The following P2RX3 variants were observed in gnomAD, a reference collection of about 807,000 sequenced individuals.
P2RX3 encodes P2X purinoceptor 3.
P2RX3 carries 41 observed loss-of-function variants against 51.5 expected under a neutral mutation model. The ratio of observed to expected loss-of-function variants is 0.80; its 90% CI spans 0.62 to 1.03. The LOEUF (loss-of-function observed/expected upper bound fraction) is 1.03. Among genes scored for constraint, P2RX3 ranks in the 50% least tolerant of loss-of-function variants. The probability of loss-of-function intolerance (pLI) is 0.00; values close to 1 mark genes in which losing one functional copy is unlikely to be tolerated. For synonymous variants in P2RX3, 185 were observed against 191.6 expected (o/e 0.97, Z 0.29); for missense variants, 459 against 522.1 (o/e 0.88, Z 1.18).
At position 57,350,612 on chromosome 11, in the gene P2RX3, G is replaced by A; in HGVS notation, c.706-150G>A. The A allele has an allele frequency of 5.7e-6, 6 of 1,057,882 alleles. No individual in the cohort carries two copies. In the South Asian group the frequency reaches 6.2e-5, roughly 11 times the overall value. The allele number at this position is 1,057,882 out of a possible 1,614,324, so 65.5% of individuals were successfully genotyped here. On this transcript the variant is annotated intron_variant, in intron 7 of 11. Transcript: ENST00000263314. ...AGCACTTCTTTACTGAGCAGTATAT[G>A]ACATGTCACTTTCCGTTCTCCCTGC... is the stretch of plus-strand genomic sequence containing the variant.
At chr11:57,356,364 C>T (rs1339145981) in intron 8 of P2RX3, among the ~76,000 whole-genome samples, 1 of 152,196 alleles carries the variant, frequency 6.6e-6, no homozygotes, top group Admixed American at 6.5e-5. Context: ...ATCGAAACTG[C>T]ATTTCAAAAT....
At chr11:57,348,830 C>T in intron 6 of P2RX3, 126 bp downstream of exon 6, 1 of 643,638 alleles carries the variant, frequency 1.6e-6, no homozygotes, top group Non-Finnish European at 2.7e-6. Context: ...GACCCATCTC[C>T]CTGGGCCTAC....
chr11:57,366,644 T>G (rs1471835966), intron 8 of P2RX3, among the ~76,000 whole-genome samples: 1 of 152,108 alleles, frequency 6.6e-6, no homozygotes, highest in Non-Finnish European at 1.5e-5. Flanking sequence ...TACCTGAATC[T>G]GGGTAATTGA....
rs748221834 is a variant in P2RX3, at chr11:57,369,932, C to G, written c.1129C>G (p.Pro377Ala). 7 of 1,613,932 alleles carry G rather than the reference C, an allele frequency of 4.3e-6. No individual in the cohort carries two copies. Among genetic ancestry groups the G allele is most frequent in the Non-Finnish European group, 5.9e-6 (7 of 1,180,006 alleles). Residue 377 changes from proline to alanine, a missense_variant, in exon 12 of 12, where the codon CCC becomes GCC. Transcript: ENST00000263314. The stretch of plus-strand genomic sequence containing the variant: ...CGCGGCTTTGACCAACCCAGTGTAC[C>G]CCAGCGACCAGACCACAGCGGAGAA... ...KIAALTNPVYPSDQTTAEKQS... is the reference protein window; with the variant it reads ...KIAALTNPVYASDQTTAEKQS...
upstream of P2RX3, among the ~76,000 whole-genome samples, chr11:57,336,372 T>C (rs138840041): frequency 7.2e-5 from 11 of 152,208 alleles, no homozygotes; most frequent in East Asian, 2.1e-3. Context: ...CCGAAAATTA[T>C]AGGTACCTCC....
intron 6 of P2RX3, among the ~76,000 whole-genome samples, chr11:57,349,163 C>T (rs1367796322): frequency 6.6e-6 from 1 of 152,090 alleles, no homozygotes; most frequent in African/African-American, 2.4e-5. Flanking sequence ...CAATGCCAGT[C>T]ACTACAGAAG....
chr11:57,347,000 G>A, intron 2 of P2RX3, 116 bp from the exon 3 acceptor site: 1 of 1,157,456 alleles, frequency 8.6e-7, no homozygotes, highest in Non-Finnish European at 1.3e-6. Flanking sequence ...CCTTGGCCAA[G>A]TCACTAGACA....
At position 57,338,377 on chromosome 11, in the gene P2RX3, G is replaced by T; in HGVS notation, c.-174G>T. 1 of 486,486 alleles carries T rather than the reference G, an allele frequency of 2.1e-6. No individual in the cohort carries two copies. The highest frequency in any genetic ancestry group is 3.8e-6 in the Non-Finnish European group (1 of 266,474). 30.1% of individuals were successfully genotyped at this position (486,486 alleles called of 1,614,324 possible). A position where few individuals can be genotyped will look rare whatever the true frequency, so the allele number is the denominator to read the frequency against. ...GGCCTCTTGGAAGCCAGAGTATCAAGAGCAGAGAATCTCACTAGGATTGCA... is the reference window on the plus strand; with the variant it reads ...GGCCTCTTGGAAGCCAGAGTATCAATAGCAGAGAATCTCACTAGGATTGCA... On this transcript the variant is annotated 5_prime_UTR_variant, in exon 1 of 12. Transcript: ENST00000263314.
intron 1 of P2RX3, among the ~76,000 whole-genome samples, chr11:57,343,047 G>A (rs1209857137): frequency 6.6e-6 from 1 of 152,224 alleles, no homozygotes; most frequent in Non-Finnish European, 1.5e-5. Flanking sequence ...GAAGGCTCAG[G>A]CCTGCCCTAG....
rs796874855 is a variant in P2RX3 at position 57,351,236 on chromosome 11, A to G, written c.842+338A>G. Among the ~76,000 whole-genome samples, 14 of 152,304 alleles carry G rather than the reference A, an allele frequency of 9.2e-5. No homozygotes were observed. The South Asian group carries it at 2.7e-3, about 29-fold the overall frequency. ...CCTGAAACTGTGACGTGCTTAAGTGACTTCCAGATAGGCCCATTCCCTGCC... is the reference window on the plus strand; with the variant it reads ...CCTGAAACTGTGACGTGCTTAAGTGGCTTCCAGATAGGCCCATTCCCTGCC... On this transcript the variant is annotated intron_variant, in intron 8 of 11. Transcript: ENST00000263314.
At chr11:57,336,285 G>A (rs922146810), upstream of P2RX3, among the ~76,000 whole-genome samples, 2 of 152,100 alleles carry the variant, frequency 1.3e-5, no homozygotes, top group Non-Finnish European at 2.9e-5. Context: ...TGCGGGTGTT[G>A]GTGTCATCGT....
At position 57,338,622 on chromosome 11, in the gene P2RX3, G is replaced by A; in HGVS notation, c.72G>A (p.Gly24=). The A allele has an allele frequency of 1.3e-6, 2 of 1,597,122 alleles. No homozygotes were observed. Among genetic ancestry groups the A allele is most frequent in the Non-Finnish European group, 1.7e-6 (2 of 1,166,076 alleles). ...TGGTTGTGAAGAGCTGGACCATCGG[G>A]ATCATCAACCGAGTAGTTCAGCTTC... ...KSVVVKSWTI[G]IINRVVQLLI... The change falls in exon 1 of 12, where the codon GGG becomes GGA. Residue 24 remains glycine (G), a synonymous_variant. Transcript: ENST00000263314.
At chr11:57,347,805 G>A (rs1328069552) in intron 4 of P2RX3, among the ~76,000 whole-genome samples, 3 of 152,116 alleles carry the variant, frequency 2.0e-5, no homozygotes, top group African/African-American at 7.2e-5. Context: ...TCCTTGAGGT[G>A]GTGACATTTG....
At position 57,349,689 on chromosome 11, in the gene P2RX3, G is replaced by A. The variant is rs947940868; in HGVS notation, c.564-68G>A. ...CCCCTAGGCCTGGGCTCCGGAAGGCGGGGAGAGATTGCACAAGACGATCTT... is the reference window on the plus strand; with the variant it reads ...CCCCTAGGCCTGGGCTCCGGAAGGCAGGGAGAGATTGCACAAGACGATCTT... On this transcript the variant is annotated intron_variant, in intron 6 of 11. Transcript: ENST00000263314. 9.4e-6 allele frequency: 15 copies of A among 1,599,596 alleles called. No homozygotes were observed. In the South Asian group the frequency reaches 1.4e-4, roughly 15 times the overall value.
At chr11:57,366,719 G>A (rs1235036934) in intron 8 of P2RX3, among the ~76,000 whole-genome samples, 1 of 152,178 alleles carries the variant, frequency 6.6e-6, no homozygotes, top group Non-Finnish European at 1.5e-5. Context: ...GGAGCCAGAC[G>A]CATCTGGTGA....
intron 8 of P2RX3, among the ~76,000 whole-genome samples, chr11:57,357,143 C>A (rs1227698541): frequency 6.6e-6 from 1 of 151,960 alleles, no homozygotes; most frequent in Non-Finnish European, 1.5e-5. Context: ...ATAATGAAAC[C>A]CTGTCTCTAT....
Position 57,347,191 on chromosome 11 carries a change from A to T in P2RX3, c.327+4A>T. On this transcript the variant is annotated splice_donor_region_variant and intron_variant, in intron 3 of 11. Transcript: ENST00000263314. Reference sequence around the variant, plus strand: ...GATGCAAGGATTCTGCCCAGAGGTGAGGGGAGGACAGAGGTTGGGTGAAGC... The same window carrying T: ...GATGCAAGGATTCTGCCCAGAGGTGTGGGGAGGACAGAGGTTGGGTGAAGC... 6.2e-7 allele frequency: 1 copy of T among 1,612,826 alleles called. No homozygotes were observed. Among genetic ancestry groups the T allele is most frequent in the Non-Finnish European group, 8.5e-7 (1 of 1,179,380 alleles).
rs772344531 is a variant in P2RX3, at chr11:57,350,820, A to G, written c.764A>G (p.Gln255Arg). 3.3e-5 allele frequency: 53 copies of G among 1,613,940 alleles called. No homozygotes were observed. The East Asian group carries it at 1.0e-3, about 31-fold the overall frequency. Residue 255 changes from glutamine to arginine, a missense_variant, in exon 8 of 12, where the codon CAG becomes CGG. Gln to Arg is a conservative substitution (Grantham distance 43). Coordinates refer to ENST00000263314, the MANE Select transcript of P2RX3 (RefSeq NM_002559.5). Reference sequence around the variant, plus strand: ...TGCGACTTGGACAAGGCCTGGGACCAGTGCATCCCCAAATACTCCTTCACC... The same window carrying G: ...TGCGACTTGGACAAGGCCTGGGACCGGTGCATCCCCAAATACTCCTTCACC... Reference protein sequence around the residue: ...WVCDLDKAWDQCIPKYSFTRL... With the variant: ...WVCDLDKAWDRCIPKYSFTRL...
Position 57,369,914 on chromosome 11 carries a change from T to C in P2RX3, c.1111T>C (p.Leu371=), listed in dbSNP as rs199593579. 1.2e-6 allele frequency: 2 copies of C among 1,614,040 alleles called. No homozygotes were observed. Residue 371 remains leucine, a synonymous_variant, in exon 12 of 12, where the codon TTG becomes CTG. Transcript: ENST00000263314. ...TGAGACTACGCTGAAAATCGCGGCT[T>C]TGACCAACCCAGTGTACCCCAGCGA... ...VNETTLKIAA[L]TNPVYPSDQT...
Sources: gnomAD v4.1 joint callset for allele counts (sites outside exome capture counted in the v4.1 genomes callset) on GRCh38, gnomAD v4.1.1 for gene constraint, MANE v1.5 for transcripts, NCBI Gene and HGNC (gene_info 2026-07-23, HGNC 2026-07-21) for gene names.